TLL1: variants seen among roughly 807,000 people sequenced by gnomAD.
The protein encoded by TLL1 is tolloid like 1, also known as tolloid-like protein 1.
A neutral mutation model predicts 128.2 loss-of-function variants in TLL1; 49 were observed. The ratio of observed to expected loss-of-function variants is 0.38; its 90% CI spans 0.30 to 0.48. The LOEUF is 0.48. Ranked by LOEUF, TLL1 falls within the 20% of genes least tolerant of loss-of-function variation. The probability of loss-of-function intolerance (pLI) is 0.96; values close to 1 mark genes in which losing one functional copy is unlikely to be tolerated. For synonymous variants in TLL1, 454 were observed against 418.8 expected (o/e 1.08, Z -1.03); for missense variants, 1,123 against 1,242.0 (o/e 0.90, Z 1.44).
At chr4:166,059,997 G>T (rs1235870628) in intron 14 of TLL1, 31 bp from the exon 15 acceptor site, 1 of 1,612,462 alleles carries the variant, frequency 6.2e-7, no homozygotes, top group Non-Finnish European at 8.5e-7. Flanking sequence ...TTCATGGGGA[G>T]AATATACCTT....
chr4:165,873,951 C>T lies in TLL1; in HGVS notation c.47C>T (p.Ala16Val). 6.2e-7 allele frequency: 1 copy of T among 1,614,110 alleles called. No homozygotes were observed. Among genetic ancestry groups the T allele is most frequent in the Non-Finnish European group, 8.5e-7 (1 of 1,180,012 alleles). ...LSPRMLVWLVASGIVFYGELW... is the reference protein window; with the variant it reads ...LSPRMLVWLVVSGIVFYGELW... ...CCGAGGATGCTCGTGTGGCTGGTGG[C>T]CTCGGGGATTGTTTTCTACGGGGAG... The change falls in exon 1 of 21, where the codon GCC (alanine) becomes GTC (valine). Residue 16 changes from alanine to valine, a missense_variant. Around this residue, in one of 3 missense-constraint regions of TLL1, gnomAD observed 480 missense variants for 542.4 expected, o/e 0.89. Transcript: ENST00000061240.
chr4:165,975,394 T>C (rs1735830142), intron 1 of TLL1, among the ~76,000 whole-genome samples: 1 of 151,932 alleles, frequency 6.6e-6, no homozygotes, highest in Admixed American at 6.6e-5. Context: ...ACATCTAAGA[T>C]ACTGTATAGG....
intron 1 of TLL1, among the ~76,000 whole-genome samples, chr4:165,986,143 A>G (rs1006791667): frequency 3.9e-5 from 6 of 152,154 alleles, no homozygotes; most frequent in African/African-American, 1.2e-4. Context: ...AATAGAAAAT[A>G]CCACATAAAA....
At chr4:166,027,214 A>T (rs1409689243) in intron 9 of TLL1, among the ~76,000 whole-genome samples, 4 of 152,096 alleles carry the variant, frequency 2.6e-5, no homozygotes, top group Admixed American at 6.5e-5. Context: ...CAAACATGGG[A>T]GTAATAGACA....
At chr4:166,092,397 T>C (rs1741816371) in intron 19 of TLL1, among the ~76,000 whole-genome samples, 1 of 152,064 alleles carries the variant, frequency 6.6e-6, no homozygotes. Flanking sequence ...TCATTGGTCT[T>C]CTATCAATAA....
chr4:166,093,277 T>TTTCACTATCTCA (rs1741860990), intron 19 of TLL1, among the ~76,000 whole-genome samples: 2 of 152,134 alleles, frequency 1.3e-5, no homozygotes, highest in South Asian at 4.1e-4. Context: ...GCAAGAGGAA[T>TTTCACTATCTCA]GCGCTAGGAG....
chr4:166,051,326 C>CCTTCCTTCCTTCCTTCCTTCCTTCCTTA, intron 12 of TLL1, among the ~76,000 whole-genome samples: 1 of 134,218 alleles, frequency 7.5e-6, no homozygotes, highest in South Asian at 2.6e-4. Context: ...TTCCTTCCTT[C>CCTTCCTTCCTTCCTTCCTTCCTTCCTTA]TTTCCTTCCT....
chr4:166,065,056 C>G (rs184368694), intron 15 of TLL1, among the ~76,000 whole-genome samples: 31 of 152,144 alleles, frequency 2.0e-4, no homozygotes, highest in African/African-American at 7.5e-4. Flanking sequence ...ACCTGGCATT[C>G]ATTTAGCTTC....
chr4:165,988,620 G>A (rs1440375970), intron 1 of TLL1, among the ~76,000 whole-genome samples: 1 of 151,926 alleles, frequency 6.6e-6, no homozygotes, highest in Non-Finnish European at 1.5e-5. Flanking sequence ...GGGTAACAGA[G>A]AGACCCTAAC....
At chr4:166,083,191 A>C (rs1741368725) in intron 18 of TLL1, among the ~76,000 whole-genome samples, 2 of 126,512 alleles carry the variant, frequency 1.6e-5, no homozygotes, top group African/African-American at 5.0e-5. Flanking sequence ...TCATGGATTG[A>C]TACCCCTTTT....
intron 1 of TLL1, among the ~76,000 whole-genome samples, chr4:165,984,740 A>C (rs1412999535): frequency 1.3e-5 from 2 of 151,966 alleles, no homozygotes; most frequent in Non-Finnish European, 2.9e-5. Context: ...TGGGCATATA[A>C]GTGTGGTGTT....
intron 5 of TLL1, among the ~76,000 whole-genome samples, chr4:165,996,444 A>C (rs567849025): frequency 3.3e-5 from 5 of 152,222 alleles, no homozygotes; most frequent in Admixed American, 2.0e-4. Context: ...CCCTGTCTCT[A>C]CTAAAAATAC....
At chr4:166,057,766 T>G (rs1371820018) in intron 14 of TLL1, among the ~76,000 whole-genome samples, 2 of 152,122 alleles carry the variant, frequency 1.3e-5, no homozygotes, top group African/African-American at 4.8e-5. Flanking sequence ...AGGGGACTCC[T>G]TTTTGTAAAA....
At chr4:166,091,025 T>G (rs917190615) in intron 18 of TLL1, 103 bp from the exon 19 acceptor site, 18 of 869,678 alleles carry the variant, frequency 2.1e-5, no homozygotes, top group African/African-American at 5.1e-5. Flanking sequence ...ATTATTAGTA[T>G]GCCCTGAACA....
chr4:166,046,241 A>T (rs1579668276), intron 12 of TLL1, among the ~76,000 whole-genome samples: 1 of 152,202 alleles, frequency 6.6e-6, no homozygotes. Flanking sequence ...TATATCCTTT[A>T]TTAAAGGCAT....
intron 1 of TLL1, among the ~76,000 whole-genome samples, chr4:165,973,801 A>C (rs1406417250): frequency 1.3e-5 from 2 of 151,842 alleles, no homozygotes; most frequent in East Asian, 3.9e-4. Context: ...AAGCAACTGG[A>C]AATACAGGTG....
At chr4:165,919,382 C>CA (rs1163238067) in intron 1 of TLL1, among the ~76,000 whole-genome samples, 9,742 of 74,994 alleles carry the variant, frequency 0.13, 428 homozygotes, top group East Asian at 0.19. Context: ...GACCCTGCTT[C>CA]AAAAAAAAAA....
At chr4:165,930,951 A>G (rs901406145) in intron 1 of TLL1, among the ~76,000 whole-genome samples, 9 of 152,216 alleles carry the variant, frequency 5.9e-5, no homozygotes, top group African/African-American at 2.2e-4. Context: ...ATAAATAACA[A>G]TAACAATAGC....
intron 1 of TLL1, among the ~76,000 whole-genome samples, chr4:165,943,239 A>G (rs932600324): frequency 6.6e-6 from 1 of 152,114 alleles, no homozygotes; most frequent in Non-Finnish European, 1.5e-5. Flanking sequence ...TATTCAAAAC[A>G]GAAAATTTTA....
Sources: allele counts gnomAD v4.1 joint callset (sites outside exome capture counted in the v4.1 genomes callset), GRCh38; gene constraint gnomAD v4.1.1; regional missense constraint gnomAD v4.1.1; transcripts MANE v1.5; gene names NCBI Gene and HGNC (gene_info 2026-07-23, HGNC 2026-07-21).